TASP1: variants seen among roughly 807,000 people sequenced by gnomAD.
TASP1 encodes threonine aspartase 1.
Under a neutral mutation model 56.6 loss-of-function variants are expected in TASP1, and 16 were observed. The observed-to-expected ratio is 0.28, with a 90% CI of 0.19 to 0.43. TASP1 has a LOEUF of 0.43. Ranked by LOEUF, TASP1 falls within the 20% of genes least tolerant of loss-of-function variation. TASP1 has a pLI of 1.00. For synonymous variants in TASP1, 179 were observed against 184.2 expected (o/e 0.97, Z 0.23); for missense variants, 393 against 511.6 (o/e 0.77, Z 2.24).
the TASP1 span, among the ~76,000 whole-genome samples, chr20:13,222,138 C>T: frequency 6.6e-6 from 1 of 152,152 alleles, no homozygotes; most frequent in Non-Finnish European, 1.5e-5. Context: ...GGCTGCGCTC[C>T]TTCAGTTCTG....
At chr20:13,393,989 A>T (rs1480685773) in intron 13 of TASP1, among the ~76,000 whole-genome samples, 1 of 152,192 alleles carries the variant, frequency 6.6e-6, no homozygotes, top group Non-Finnish European at 1.5e-5. Flanking sequence ...GATTAATCTT[A>T]GATTTTTTTG....
downstream of TASP1, among the ~76,000 whole-genome samples, chr20:13,387,215 T>C (rs1276874232): frequency 8.0e-6 from 1 of 125,506 alleles, no homozygotes; most frequent in Non-Finnish European, 1.6e-5. Flanking sequence ...TTTTTTGAGA[T>C]GGAGTTTCAC....
chr20:13,174,417 G>T, the TASP1 span, among the ~76,000 whole-genome samples: 2 of 152,136 alleles, frequency 1.3e-5, no homozygotes, highest in East Asian at 3.8e-4. Context: ...GATATTCCAG[G>T]CAGGGTGTGG....
chr20:13,293,324 CT>C, the TASP1 span, among the ~76,000 whole-genome samples: 6 of 152,068 alleles, frequency 3.9e-5, no homozygotes, highest in East Asian at 1.2e-3. Flanking sequence ...GAAAGTGACT[CT>C]TCAGGTGCAA....
At chr20:13,463,490 G>C (rs2044134898) in intron 11 of TASP1, among the ~76,000 whole-genome samples, 1 of 150,860 alleles carries the variant, frequency 6.6e-6, no homozygotes, top group African/African-American at 2.5e-5. Flanking sequence ...CAAAAGCACA[G>C]GCAACAAATA....
the TASP1 span, among the ~76,000 whole-genome samples, chr20:13,251,739 G>C: frequency 6.6e-6 from 1 of 152,210 alleles, no homozygotes; most frequent in Admixed American, 6.5e-5. Flanking sequence ...GATGTTGAAA[G>C]AAGCCATTCA....
chr20:13,453,479 C>T (rs2043706627), intron 11 of TASP1, among the ~76,000 whole-genome samples: 1 of 152,032 alleles, frequency 6.6e-6, no homozygotes, highest in South Asian at 2.1e-4. Flanking sequence ...GCAAGCACTG[C>T]TAGACCTGGA....
intron 9 of TASP1, among the ~76,000 whole-genome samples, chr20:13,531,818 C>A (rs1282301280): frequency 6.6e-6 from 1 of 152,158 alleles, no homozygotes; most frequent in Non-Finnish European, 1.5e-5. Flanking sequence ...GCTTATACCA[C>A]CACGCCCAGC....
At chr20:13,127,055 G>T in the TASP1 span, among the ~76,000 whole-genome samples, 1 of 152,200 alleles carries the variant, frequency 6.6e-6, no homozygotes, top group Non-Finnish European at 1.5e-5. Flanking sequence ...TGTCACTTGT[G>T]TTTCCCTAAG....
chr20:13,238,636 T>C, the TASP1 span, among the ~76,000 whole-genome samples: 1 of 152,202 alleles, frequency 6.6e-6, no homozygotes, highest in East Asian at 1.9e-4. Context: ...AAGAATGTTA[T>C]TAACTTTCCA....
At chr20:13,452,474 T>C (rs887184633) in intron 11 of TASP1, among the ~76,000 whole-genome samples, 6 of 151,678 alleles carry the variant, frequency 4.0e-5, no homozygotes, top group Non-Finnish European at 5.9e-5. Context: ...AATTTACTTA[T>C]ATAAAGCTAG....
intron 4 of TASP1, among the ~76,000 whole-genome samples, 178 bp from the exon 5 acceptor site, chr20:13,587,548 C>T (rs1209088093): frequency 6.6e-6 from 1 of 151,640 alleles, no homozygotes; most frequent in East Asian, 1.9e-4. Flanking sequence ...AAGTACAGAT[C>T]AATATACTTT....
At chr20:13,151,718 T>C in the TASP1 span, among the ~76,000 whole-genome samples, 2 of 152,178 alleles carry the variant, frequency 1.3e-5, no homozygotes, top group Admixed American at 1.3e-4. Context: ...AAAGGAAAAC[T>C]TAAAGGAATA....
the TASP1 span, among the ~76,000 whole-genome samples, chr20:13,176,079 A>T: frequency 3.3e-5 from 5 of 152,240 alleles, no homozygotes; most frequent in African/African-American, 1.2e-4. Flanking sequence ...TCACCTTAAG[A>T]GAAAATTAGT....
chr20:13,343,258 AACCT>A, the TASP1 span, among the ~76,000 whole-genome samples: 12 of 152,330 alleles, frequency 7.9e-5, no homozygotes, highest in Non-Finnish European at 1.3e-4. Flanking sequence ...AGAGGCCAGA[AACCT>A]CAGCCAGGCC....
At chr20:13,443,193 C>T (rs1242369913) in intron 11 of TASP1, among the ~76,000 whole-genome samples, 1 of 152,162 alleles carries the variant, frequency 6.6e-6, no homozygotes, top group African/African-American at 2.4e-5. Context: ...CAGCTGGAAC[C>T]AGTGCTCAAC....
chr20:13,331,157 C>T, the TASP1 span, among the ~76,000 whole-genome samples: 1 of 152,164 alleles, frequency 6.6e-6, no homozygotes, highest in Non-Finnish European at 1.5e-5. Flanking sequence ...TCCTTCTAAA[C>T]ACTGCTTTAT....
the TASP1 span, among the ~76,000 whole-genome samples, chr20:13,318,615 C>T: frequency 6.6e-6 from 1 of 152,210 alleles, no homozygotes. Context: ...AAGGGATAAA[C>T]TATATCTTAT....
chr20:13,358,384 GTCC>G, the TASP1 span, among the ~76,000 whole-genome samples: 1 of 152,174 alleles, frequency 6.6e-6, no homozygotes, highest in African/African-American at 2.4e-5. Flanking sequence ...TCAATCCCCC[GTCC>G]TCCTGCTCTT....
Sources: gnomAD v4.1 joint callset for allele counts (sites outside exome capture counted in the v4.1 genomes callset) on GRCh38, gnomAD v4.1.1 for gene constraint, MANE v1.5 for transcripts, NCBI Gene and HGNC (gene_info 2026-07-23, HGNC 2026-07-21) for gene names.